The following SOHLH1 variants were observed in gnomAD, a reference collection of about 807,000 sequenced individuals.
SOHLH1 encodes spermatogenesis and oogenesis specific basic helix-loop-helix 1.
In SOHLH1, 23 loss-of-function variants were observed where a neutral mutation model predicts 36.2. That is an observed-to-expected ratio of 0.64 (90% confidence interval 0.46 to 0.90). The LOEUF (loss-of-function observed/expected upper bound fraction) is 0.90. SOHLH1 is among the 40% of genes least tolerant of loss of function. SOHLH1 has a pLI of 0.00. For synonymous variants in SOHLH1, 289 were observed against 228.3 expected, an observed-to-expected ratio of 1.27 and a Z score of -2.40; for missense variants, 608 against 517.0, an observed-to-expected ratio of 1.18 and a Z score of -1.71.
chr9:135,701,900 G>C (rs1835045970), upstream of SOHLH1, among the ~76,000 whole-genome samples: 1 of 152,174 alleles, frequency 6.6e-6, no homozygotes, highest in South Asian at 2.1e-4. Context: ...CTGAGCCCCC[G>C]CCCACCACGG....
chr9:135,697,772 T>G, intron 3 of SOHLH1, 145 bp from the exon 4 acceptor site: 1 of 994,182 alleles, frequency 1.0e-6, no homozygotes. Flanking sequence ...GAGTACAGGT[T>G]GACAACGAGG....
At chr9:135,698,179 T>C (rs1490903426) in intron 3 of SOHLH1, 150 bp downstream of exon 3, 3 of 1,002,002 alleles carry the variant, frequency 3.0e-6, no homozygotes, top group African/African-American at 3.2e-5. Context: ...AATCAGGAAG[T>C]GCCCTGCCGA....
rs1834675301 is a variant in SOHLH1, at chr9:135,693,598, T to C, written c.1163A>G (p.Ter388TrpextTer37). ...CGCCTCCTCTCCACAGCCTGGCTGCTAGCAGGCAAAGAAGTCAGGGAAGAT... is the reference window on the plus strand; with the variant it reads ...CGCCTCCTCTCCACAGCCTGGCTGCCAGCAGGCAAAGAAGTCAGGGAAGAT... ...ESIFPDFFAC* is the reference protein window; with the variant it reads ...ESIFPDFFACW Residue 388 changes from the stop codon to tryptophan, a stop_lost, in exon 8 of 8, where the codon TAG (stop) becomes TGG (tryptophan). Transcript: ENST00000425225. 1.3e-6 allele frequency: 2 copies of C among 1,566,092 alleles called. No individual in the cohort carries two copies. Among genetic ancestry groups the C allele is most frequent in the African/African-American group, 1.4e-5 (1 of 73,584 alleles).
chr9:135,695,482 CT>C (rs1357103257), intron 5 of SOHLH1, among the ~76,000 whole-genome samples: 5 of 152,136 alleles, frequency 3.3e-5, no homozygotes, highest in Non-Finnish European at 5.9e-5. Flanking sequence ...TGCCCAACAC[CT>C]GGGGGCCAAG....
At chr9:135,694,224 T>G (rs1021434478) in intron 7 of SOHLH1, 163 bp downstream of exon 7, 37 of 1,474,244 alleles carry the variant, frequency 2.5e-5, no homozygotes, top group Middle Eastern at 4.5e-4. Context: ...TAACGCTCAA[T>G]ACCAGACACG....
At chr9:135,695,857 C>A (rs911193826) in intron 5 of SOHLH1, among the ~76,000 whole-genome samples, 1 of 152,166 alleles carries the variant, frequency 6.6e-6, no homozygotes, top group African/African-American at 2.4e-5. Flanking sequence ...GGGACAAAGG[C>A]CCCGGGTGGC....
chr9:135,694,713 T>C (rs934371179), intron 6 of SOHLH1, among the ~76,000 whole-genome samples: 1 of 151,968 alleles, frequency 6.6e-6, no homozygotes, highest in Non-Finnish European at 1.5e-5. Flanking sequence ...ACAGTCTCGC[T>C]CTTCTCGTCC....
At chr9:135,702,052 T>A, upstream of SOHLH1, 1 of 513,970 alleles carries the variant, frequency 1.9e-6, no homozygotes, top group South Asian at 2.4e-5. Context: ...CGCACCCCCG[T>A]CCCAGCCTGG....
Position 135,693,749 on chromosome 9 carries a change from C to T in SOHLH1, c.1012G>A (p.Val338Ile), listed in dbSNP as rs1834682197. Residue 338 changes from valine to isoleucine, a missense_variant, in exon 8 of 8, where the codon GTT (valine) becomes ATT (isoleucine). Val to Ile is a conservative substitution (Grantham distance 29, BLOSUM62 3). Coordinates refer to ENST00000425225, the MANE Select transcript of SOHLH1 (RefSeq NM_001101677.2). The stretch of plus-strand genomic sequence containing the variant: ...TCCCCTAGGAAGCCTGGCTCTCCAA[C>T]ATCCAGTGGACTGCTCTCAGCTGGG... Reference protein sequence around the residue: ...WAPAESSPLDVGEPGFLGDPE... With the variant: ...WAPAESSPLDIGEPGFLGDPE... The T allele has an allele frequency of 1.9e-6, 3 of 1,577,882 alleles. No homozygotes were observed. The highest frequency in any genetic ancestry group is 1.4e-5 in the African/African-American group (1 of 74,066).
intron 4 of SOHLH1, among the ~76,000 whole-genome samples, chr9:135,697,076 G>T (rs560343425): frequency 3.3e-4 from 50 of 152,192 alleles, no homozygotes; most frequent in Non-Finnish European, 6.5e-4. Flanking sequence ...GGGGTAAAAT[G>T]GGTACATTTA....
At position 135,697,351 on chromosome 9, in the gene SOHLH1, G is replaced by A. The variant is rs188944669; in HGVS notation, c.467+155C>T. Among the ~76,000 whole-genome samples, 4 of 152,260 alleles carry A rather than the reference G, an allele frequency of 2.6e-5. No individual in the cohort carries two copies. In the East Asian group the frequency reaches 7.8e-4, roughly 30 times the overall value. On this transcript the variant is annotated intron_variant, in intron 4 of 7. Transcript: ENST00000425225. ...GCCCATGTTGGTCACCTCACACCTG[G>A]CCACCTGAGTTGGCAGGGCCCTGGG...
At chr9:135,699,665 C>A, upstream of SOHLH1, 1 of 650,516 alleles carries the variant, frequency 1.5e-6, no homozygotes, top group South Asian at 1.8e-5. Flanking sequence ...CGCGTTCCTG[C>A]AAAGAAGGTG....
In SOHLH1 at chr9:135,697,389, T is replaced by C; in HGVS notation, c.467+117A>G. 2.0e-6 allele frequency: 3 copies of C among 1,470,368 alleles called. 1 individual carries two copies. The South Asian group carries it at 3.5e-5, about 17-fold the overall frequency. The allele number at this position is 1,470,368 out of a possible 1,614,324, so 91.1% of individuals were successfully genotyped here. ...GCAGGGCCCTGGGCAGGTCACCACC[T>C]GCGGAGGCCAAGCCGGGCCTCCAGG... is the stretch of plus-strand genomic sequence containing the variant. On this transcript the variant is annotated intron_variant, in intron 4 of 7. Coordinates refer to ENST00000425225, the MANE Select transcript of SOHLH1 (RefSeq NM_001101677.2).
chr9:135,696,379 G>A (rs993132585), intron 5 of SOHLH1, among the ~76,000 whole-genome samples: 1 of 152,186 alleles, frequency 6.6e-6, no homozygotes, highest in South Asian at 2.1e-4. Context: ...TCCCTTCCTC[G>A]AGCCACACTT....
rs755959215 is a variant in SOHLH1 at position 135,697,520 on chromosome 9, C to T, written c.453G>A (p.Ala151=). 12 of 1,611,314 alleles carry T rather than the reference C, an allele frequency of 7.4e-6. No individual in the cohort carries two copies. The highest frequency in any genetic ancestry group is 1.7e-4 in the Middle Eastern group (1 of 6,032). The change falls in exon 4 of 8, where the codon GCG becomes GCA. Residue 151 remains alanine, a synonymous_variant. Transcript: ENST00000425225. The stretch of plus-strand genomic sequence containing the variant: ...GAGACACTAACCGAGTCCCGCTGGA[C>T]GCTCCCGTCCCAGGGTCTGGCACAC... ...QAGVPDPGTG[A]SSGTRTPDVK... is the part of the protein sequence containing the mutation.
chr9:135,695,163 G>C lies in SOHLH1; in HGVS notation c.762C>G (p.Pro254=), dbSNP rs140624736. The change falls in exon 6 of 8, where the codon CCC becomes CCG. Residue 254 remains proline, a synonymous_variant. Transcript: ENST00000425225. ...AGCCAAGGGCCTCCCCGCTCATCAC[G>C]GGCAAGGTCTGCTGCTGCGAGAACG... ...WPPFSQQQTL[P]VMSGEALGWL... 2 of 1,603,144 alleles carry C rather than the reference G, an allele frequency of 1.2e-6. No homozygotes were observed. Among genetic ancestry groups the C allele is most frequent in the Non-Finnish European group, 1.7e-6 (2 of 1,176,626 alleles).
chr9:135,701,528 G>A (rs867790323), upstream of SOHLH1, among the ~76,000 whole-genome samples: 3 of 152,252 alleles, frequency 2.0e-5, no homozygotes, highest in Non-Finnish European at 2.9e-5. Flanking sequence ...AAGGGGGCCC[G>A]CAGGGGGACC....
chr9:135,699,775 C>CG (rs1018652349), upstream of SOHLH1, among the ~76,000 whole-genome samples: 1 of 152,080 alleles, frequency 6.6e-6, no homozygotes, highest in African/African-American at 2.4e-5. Flanking sequence ...CTTACCTTCC[C>CG]GGGGGTCGCC....
rs760229228 is a variant in SOHLH1, at chr9:135,695,268, G to A, written c.662-5C>T. On this transcript the variant is annotated splice_polypyrimidine_tract_variant and splice_region_variant and intron_variant, in intron 5 of 7. Transcript: ENST00000425225. Reference sequence around the variant, plus strand: ...ACGGCACCAGGCTGGAAGGTTCTGGGAGAGAAGTCAGATGCGGGTCAGCCT... The same window carrying A: ...ACGGCACCAGGCTGGAAGGTTCTGGAAGAGAAGTCAGATGCGGGTCAGCCT... 5.0e-6 allele frequency: 8 copies of A among 1,588,378 alleles called. No homozygotes were observed. Among genetic ancestry groups the A allele is most frequent in the Admixed American group, 1.8e-5 (1 of 55,698 alleles).
Sources: allele counts gnomAD v4.1 joint callset (sites outside exome capture counted in the v4.1 genomes callset), GRCh38; gene constraint gnomAD v4.1.1; transcripts MANE v1.5; gene names NCBI Gene and HGNC (gene_info 2026-07-23, HGNC 2026-07-21).